Variants in TMTC1 observed in about 807,000 individuals in gnomAD.
TMTC1 encodes the protein protein O-mannosyl-transferase TMTC1.
TMTC1 carries 73 observed loss-of-function variants against 104.8 expected under a neutral mutation model. The ratio of observed to expected loss-of-function variants is 0.70; its 90% CI spans 0.58 to 0.85. The LOEUF is 0.85. Ranked by LOEUF, TMTC1 falls within the 40% of genes least tolerant of loss-of-function variation. The probability of loss-of-function intolerance (pLI) is 0.00; values close to 1 mark genes in which losing one functional copy is unlikely to be tolerated. For synonymous variants in TMTC1, 434 were observed against 428.7 expected, an observed-to-expected ratio of 1.01 and a Z score of -0.15; for missense variants, 1,035 against 1,096.1, an observed-to-expected ratio of 0.94 and a Z score of 0.79.
At chr12:29,660,437 G>C (rs1353198729) in intron 5 of TMTC1, among the ~76,000 whole-genome samples, 1 of 152,138 alleles carries the variant, frequency 6.6e-6, no homozygotes, top group Non-Finnish European at 1.5e-5. Flanking sequence ...CAAATACAGG[G>C]TTGTTATATT....
intron 10 of TMTC1, among the ~76,000 whole-genome samples, chr12:29,543,906 T>C (rs1275453030): frequency 6.6e-6 from 1 of 152,196 alleles, no homozygotes; most frequent in Non-Finnish European, 1.5e-5. Flanking sequence ...CACGTGGAAC[T>C]GTGTGGAGGA....
At chr12:29,721,741 A>T (rs554790284) in intron 5 of TMTC1, among the ~76,000 whole-genome samples, 208 of 152,240 alleles carry the variant, frequency 1.4e-3, no homozygotes, top group Middle Eastern at 3.4e-3. Context: ...GCCCCTTTAC[A>T]TCCTGAAAAA....
chr12:29,601,430 A>C (rs1420141428), intron 7 of TMTC1, among the ~76,000 whole-genome samples: 1 of 152,216 alleles, frequency 6.6e-6, no homozygotes, highest in Non-Finnish European at 1.5e-5. Flanking sequence ...CACTTTGCTG[A>C]GCTTACAAAT....
intron 5 of TMTC1, among the ~76,000 whole-genome samples, chr12:29,683,312 G>A (rs991390184): frequency 1.3e-5 from 2 of 152,048 alleles, no homozygotes; most frequent in African/African-American, 4.8e-5. Flanking sequence ...CTTTTAAAAA[G>A]CAAAGTCAAA....
chr12:29,661,296 A>C, intron 5 of TMTC1: 1 of 906,142 alleles, frequency 1.1e-6, no homozygotes, highest in Non-Finnish European at 1.3e-6. Context: ...ATCTTAAACA[A>C]AATAAGAGTT....
chr12:29,552,337 T>C (rs974602589), intron 10 of TMTC1, among the ~76,000 whole-genome samples: 1 of 152,236 alleles, frequency 6.6e-6, no homozygotes, highest in Non-Finnish European at 1.5e-5. Context: ...ATTTTAAAAA[T>C]TATGTTTTAA....
chr12:29,658,637 G>T, intron 5 of TMTC1: 1 of 207,950 alleles, frequency 4.8e-6, no homozygotes, highest in Non-Finnish European at 1.0e-5. Flanking sequence ...GGAAACATTT[G>T]TGGGGCCTTC....
At chr12:29,655,506 C>A (rs1377803378) in intron 5 of TMTC1, among the ~76,000 whole-genome samples, 2 of 152,236 alleles carry the variant, frequency 1.3e-5, no homozygotes, top group East Asian at 1.9e-4. Flanking sequence ...ATATAGTAAG[C>A]AGCAAATAAT....
At chr12:29,616,841 C>G (rs2136446286) in intron 6 of TMTC1, among the ~76,000 whole-genome samples, 1 of 152,184 alleles carries the variant, frequency 6.6e-6, no homozygotes, top group East Asian at 1.9e-4. Flanking sequence ...CACAGGAAGG[C>G]TTCTTGGCAT....
intron 6 of TMTC1, chr12:29,609,710 C>T (rs1946794007): frequency 6.6e-6 from 1 of 152,232 alleles, no homozygotes; most frequent in Non-Finnish European, 1.5e-5. Flanking sequence ...CCAGCATGGC[C>T]CATGCAAAGC....
At chr12:29,516,519 G>C in intron 14 of TMTC1, 33 bp from the exon 15 acceptor site, 1 of 1,600,396 alleles carries the variant, frequency 6.2e-7, no homozygotes, top group South Asian at 1.1e-5. Context: ...GCTTAGCAGA[G>C]ACTTCATTAC....
At chr12:29,618,493 T>C (rs192771828) in intron 6 of TMTC1, among the ~76,000 whole-genome samples, 5 of 152,350 alleles carry the variant, frequency 3.3e-5, no homozygotes, top group African/African-American at 1.2e-4. Context: ...CAAACTTGTT[T>C]TCTTTCTAAT....
In TMTC1 at chr12:29,514,857, T is replaced by C. The variant is rs142028102; in HGVS notation, c.2308-253A>G. Among the ~76,000 whole-genome samples, 501 of 151,756 alleles carry C rather than the reference T, an allele frequency of 3.3e-3. 2 individuals are homozygous for C. The highest frequency in any genetic ancestry group is 0.011 in the African/African-American group (467 of 41,314). ...GTGAAACCCTGTCTCTACAAAAAAA[T>C]ACAAAAATTAGCCAGGTGTGGTGGT... is the stretch of plus-strand genomic sequence containing the variant. On this transcript the variant is annotated intron_variant, in intron 15 of 17. Coordinates refer to ENST00000539277, the MANE Select transcript of TMTC1 (RefSeq NM_001193451.2).
rs117936685 is a variant in TMTC1 at position 29,776,857 on chromosome 12, T to A, written c.302+6593A>T. Among the ~76,000 whole-genome samples, 65 of 152,254 alleles carry A rather than the reference T, an allele frequency of 4.3e-4. 3 individuals are homozygous for A. The East Asian group carries it at 0.01, about 24-fold the overall frequency. On this transcript the variant is annotated intron_variant, in intron 1 of 17. Transcript: ENST00000539277. The stretch of plus-strand genomic sequence containing the variant: ...CCCTGCACAGATCTGGGGAAAAGCA[T>A]TCAGGAGGAACCACCAATACATGCA...
rs569338433 is a variant in TMTC1, at chr12:29,551,861, A to G, written c.1676+4996T>C. 4.6e-5 allele frequency among the ~76,000 whole-genome samples: 7 copies of G among 151,528 alleles called. No individual in the cohort carries two copies. In the East Asian group the frequency reaches 1.2e-3, roughly 25 times the overall value. On this transcript the variant is annotated intron_variant, in intron 10 of 17. Transcript: ENST00000539277. ...ATTAATATAAATTAAGAATGCTGGCATGGAAAGCTGCTTCTTATCAACCTC... is the reference window on the plus strand; with the variant it reads ...ATTAATATAAATTAAGAATGCTGGCGTGGAAAGCTGCTTCTTATCAACCTC...
At chr12:29,657,926 C>A (rs1186961095) in intron 5 of TMTC1, among the ~76,000 whole-genome samples, 1 of 151,802 alleles carries the variant, frequency 6.6e-6, no homozygotes, top group Non-Finnish European at 1.5e-5. Context: ...GCCAACATGA[C>A]AAAAACCCCT....
chr12:29,671,463 G>GAAAATGTATTATATATATATA (rs2136681500), intron 5 of TMTC1, among the ~76,000 whole-genome samples: 1 of 152,238 alleles, frequency 6.6e-6, no homozygotes, highest in East Asian at 1.9e-4. Flanking sequence ...TATAGAAAAA[G>GAAAATGTATTATATATATATA]CATACATGCA....
chr12:29,749,994 C>T (rs762123406), intron 5 of TMTC1, among the ~76,000 whole-genome samples: 1 of 151,824 alleles, frequency 6.6e-6, no homozygotes, highest in Non-Finnish European at 1.5e-5. Context: ...CATGATTGCC[C>T]CCAACAGCCT....
chr12:29,660,448 T>G (rs1221806198), intron 5 of TMTC1, among the ~76,000 whole-genome samples: 1 of 152,178 alleles, frequency 6.6e-6, no homozygotes, highest in East Asian at 1.9e-4. Context: ...TTGTTATATT[T>G]AAGCCACTAA....
Sources: allele counts gnomAD v4.1 joint callset (sites outside exome capture counted in the v4.1 genomes callset), GRCh38; gene constraint gnomAD v4.1.1; transcripts MANE v1.5; gene names NCBI Gene and HGNC (gene_info 2026-07-23, HGNC 2026-07-21).